Variants in HPDL observed in about 807,000 individuals in gnomAD.
HPDL encodes the protein 4-hydroxyphenylpyruvate dioxygenase like, also known as 4-hydroxyphenylpyruvate dioxygenase-like protein.
In HPDL, 7 loss-of-function variants were observed where a neutral mutation model predicts 9.8. The ratio of observed to expected loss-of-function variants is 0.71; its 90% CI spans 0.41 to 1.34. The LOEUF is 1.34. Ranked by LOEUF, HPDL falls within the 40% of genes most tolerant of loss-of-function variation. HPDL has a pLI of 0.01. For synonymous variants in HPDL, 250 were observed against 228.2 expected (o/e 1.10, Z -0.86); for missense variants, 530 against 495.1 (o/e 1.07, Z -0.67).
rs779100206 is a variant in HPDL, at chr1:45,327,046, C to G, written c.-103C>G. On this transcript the variant is annotated 5_prime_UTR_variant, in exon 1 of 1. Coordinates refer to ENST00000334815, the MANE Select transcript of HPDL (RefSeq NM_032756.4). The surrounding 1 kb of genome is among the most constrained non-coding windows in gnomAD (Gnocchi z 6.3). The stretch of plus-strand genomic sequence containing the variant: ...AACGCGCTCTGCGGGGTGAGCCGGA[C>G]TCCCCAACTCCGGACGATCAGCCCA... 12 of 1,199,360 alleles carry G rather than the reference C, an allele frequency of 1.0e-5. No homozygotes were observed. Among genetic ancestry groups the G allele is most frequent in the Non-Finnish European group, 1.3e-5 (12 of 899,382 alleles). The allele number at this position is 1,199,360 out of a possible 1,614,324, so 74.3% of individuals were successfully genotyped here.
chr1:45,327,670 C>G lies in HPDL; in HGVS notation c.522C>G (p.Pro174=), dbSNP rs779899406. ...LTLACTPGSS[P]TLLRWFHDCL... ...TGGCCTGCACCCCCGGCAGCTCCCC[C>G]ACACTTTTGCGCTGGTTCCACGACT... Residue 174 remains proline (P), a synonymous_variant, in exon 1 of 1, where the codon CCC becomes CCG. Transcript: ENST00000334815. This position sits in a 1 kb window ranked among gnomAD's most constrained non-coding sequence, Gnocchi z 6.3. The G allele has an allele frequency of 9.9e-6, 16 of 1,610,818 alleles. No homozygotes were observed. The highest frequency in any genetic ancestry group is 5.3e-5 in the African/African-American group (4 of 74,886).
rs1644271898 is a variant in HPDL, at chr1:45,328,464, A to T, written c.*200A>T. ...AGGTGGGATTTTTTAAAACTAAAAC[A>T]TTTCTTATATACAGTCTATAATAAA... On this transcript the variant is annotated 3_prime_UTR_variant, in exon 1 of 1. Coordinates refer to ENST00000334815, the MANE Select transcript of HPDL (RefSeq NM_032756.4). 1.7e-6 allele frequency: 1 copy of T among 576,608 alleles called. No individual in the cohort carries two copies. 35.7% of individuals were successfully genotyped at this position (576,608 alleles called of 1,614,324 possible).
At position 45,327,244 on chromosome 1, in the gene HPDL, G is replaced by A. The variant is rs756045717; in HGVS notation, c.96G>A (p.Gln32=). Residue 32 remains glutamine (Q), a synonymous_variant, in exon 1 of 1, where the codon CAG becomes CAA. Coordinates refer to ENST00000334815, the MANE Select transcript of HPDL (RefSeq NM_032756.4). This position sits in a 1 kb window ranked among gnomAD's most constrained non-coding sequence, Gnocchi z 6.3. ...ARNLQRLFGF[Q]PLASREVDGW... is the part of the protein sequence containing the mutation. The stretch of plus-strand genomic sequence containing the variant: ...ACCTGCAGCGCCTCTTCGGCTTCCA[G>A]CCCCTGGCTTCGCGGGAGGTGGACG... 8 of 1,605,330 alleles carry A rather than the reference G, an allele frequency of 5.0e-6. No homozygotes were observed. The South Asian group carries it at 8.8e-5, about 18-fold the overall frequency.
Position 45,327,779 on chromosome 1 carries a change from G to A in HPDL, c.631G>A (p.Gly211Arg). 2 of 1,611,030 alleles carry A rather than the reference G, an allele frequency of 1.2e-6. No homozygotes were observed. The highest frequency in any genetic ancestry group is 1.1e-5 in the South Asian group (1 of 90,704). ...AATGACAGCAGGGTTTGGGCTTGGG[G>A]GACTGAGGCTTACAGCCCTGCAGGC... ...LEMTAGFGLG[G>R]LRLTALQAQP... Residue 211 changes from glycine (G) to arginine (R), a missense_variant, in exon 1 of 1, where the codon GGA (glycine) becomes AGA (arginine). By Grantham distance (125) the Gly-to-Arg change is moderately radical. Transcript: ENST00000334815. The surrounding 1 kb of genome is among the most constrained non-coding windows in gnomAD (Gnocchi z 6.3).
At position 45,328,055 on chromosome 1, in the gene HPDL, G is replaced by C. The variant is rs199575714; in HGVS notation, c.907G>C (p.Glu303Gln). Residue 303 changes from glutamate to glutamine, a missense_variant, in exon 1 of 1, where the codon GAG (glutamate) becomes CAG (glutamine). Transcript: ENST00000334815. ...KERQIRAAGHEPHLLARQGIL... is the reference protein window; with the variant it reads ...KERQIRAAGHQPHLLARQGIL... ...GAGGCAGATCCGAGCTGCAGGGCAC[G>C]AGCCTCATCTGCTTGCTCGACAGGG... 283 of 1,614,128 alleles carry C rather than the reference G, an allele frequency of 1.8e-4. No homozygotes were observed. The highest frequency in any genetic ancestry group is 2.2e-4 in the Non-Finnish European group (260 of 1,180,048).
rs2149082406 is a variant in HPDL at position 45,328,220 on chromosome 1, T to G, written c.1072T>G (p.Trp358Gly). Residue 358 changes from tryptophan (W) to glycine (G), a missense_variant, in exon 1 of 1, where the codon TGG becomes GGG. Transcript: ENST00000334815. ...TGGTCAGGGCAACATCAGAGCTCTG[T>G]GGCAGTCCGTACAGGAGCAATCTGC... ...GFGQGNIRAL[W>G]QSVQEQSARS... The G allele has an allele frequency of 6.2e-7, 1 of 1,614,236 alleles. No homozygotes were observed. Among genetic ancestry groups the G allele is most frequent in the Non-Finnish European group, 8.5e-7 (1 of 1,180,042 alleles).
rs771333297 is a variant in HPDL at position 45,327,428 on chromosome 1, G to T, written c.280G>T (p.Glu94Ter). The change falls in exon 1 of 1, where the codon GAG becomes TAG. Residue 94 changes from glutamate (E) to a stop codon, truncating the protein, a stop_gained. Transcript: ENST00000334815. LOFTEE classifies it low-confidence loss of function (END_TRUNC). The surrounding 1 kb of genome is among the most constrained non-coding windows in gnomAD (Gnocchi z 6.3). Reference protein sequence around the residue: ...DVADAGAATRELAALGCSVPV... With the variant: ...DVADAGAATR ...GGCGGACGCCGGCGCTGCAACCCGG[G>T]AGCTGGCAGCGCTGGGCTGCAGCGT... 1 of 1,586,066 alleles carries T rather than the reference G, an allele frequency of 6.3e-7. No homozygotes were observed. Among genetic ancestry groups the T allele is most frequent in the Non-Finnish European group, 8.5e-7 (1 of 1,172,348 alleles).
chr1:45,327,413 G>A lies in HPDL; in HGVS notation c.265G>A (p.Gly89Ser). The A allele has an allele frequency of 1.3e-6, 2 of 1,584,936 alleles. No homozygotes were observed. The highest frequency in any genetic ancestry group is 1.7e-6 in the Non-Finnish European group (2 of 1,171,234). Residue 89 changes from glycine (G) to serine (S), a missense_variant, in exon 1 of 1, where the codon GGC becomes AGC. Coordinates refer to ENST00000334815, the MANE Select transcript of HPDL (RefSeq NM_032756.4). The surrounding 1 kb of genome is among the most constrained non-coding windows in gnomAD (Gnocchi z 6.3). Reference protein sequence around the residue: ...TNLCFDVADAGAATRELAALG... With the variant: ...TNLCFDVADASAATRELAALG... ...CCTGTGCTTCGACGTGGCGGACGCCGGCGCTGCAACCCGGGAGCTGGCAGC... is the reference window on the plus strand; with the variant it reads ...CCTGTGCTTCGACGTGGCGGACGCCAGCGCTGCAACCCGGGAGCTGGCAGC...
Position 45,327,582 on chromosome 1 carries a change from G to C in HPDL, c.434G>C (p.Gly145Ala). 2 of 1,611,352 alleles carry C rather than the reference G, an allele frequency of 1.2e-6. No individual in the cohort carries two copies. The highest frequency in any genetic ancestry group is 1.3e-5 in the African/African-American group (1 of 75,060). The stretch of plus-strand genomic sequence containing the variant: ...GGCTACCGCGGACCCTTCCTACCCG[G>C]CTTCAGGCCCGTGTCCTCTGCGCCT... ...RAGYRGPFLPGFRPVSSAPGP... is the reference protein window; with the variant it reads ...RAGYRGPFLPAFRPVSSAPGP... The change falls in exon 1 of 1, where the codon GGC becomes GCC. Residue 145 changes from glycine (G) to alanine (A), a missense_variant. Gly to Ala is a moderately conservative substitution (Grantham distance 60, BLOSUM62 0). Transcript: ENST00000334815. The surrounding 1 kb of genome is among the most constrained non-coding windows in gnomAD (Gnocchi z 6.3).
In HPDL at chr1:45,327,295, C is replaced by T. The variant is rs774562729; in HGVS notation, c.147C>T (p.Ser49=). The change falls in exon 1 of 1, where the codon AGC becomes AGT. Residue 49 remains serine (S), a synonymous_variant. Coordinates refer to ENST00000334815, the MANE Select transcript of HPDL (RefSeq NM_032756.4). This position sits in a 1 kb window ranked among gnomAD's most constrained non-coding sequence, Gnocchi z 6.3. ...VDGWRQLALR[S]GDAVFLVNEG... Reference sequence around the variant, plus strand: ...GCTGGCGGCAGCTAGCCCTGCGCAGCGGCGACGCGGTCTTTTTGGTGAACG... The same window carrying T: ...GCTGGCGGCAGCTAGCCCTGCGCAGTGGCGACGCGGTCTTTTTGGTGAACG... 4 of 1,584,420 alleles carry T rather than the reference C, an allele frequency of 2.5e-6. No individual in the cohort carries two copies. The highest frequency in any genetic ancestry group is 2.6e-6 in the Non-Finnish European group (3 of 1,167,340).
Position 45,328,247 on chromosome 1 carries a change from A to G in HPDL, c.1099A>G (p.Arg367Gly). 1 of 1,613,974 alleles carries G rather than the reference A, an allele frequency of 6.2e-7. No homozygotes were observed. The highest frequency in any genetic ancestry group is 2.2e-5 in the East Asian group (1 of 44,878). ...LWQSVQEQSARSQEA is the reference protein window; with the variant it reads ...LWQSVQEQSAGSQEA Reference sequence around the variant, plus strand: ...GCAGTCCGTACAGGAGCAATCTGCCAGGAGCCAGGAAGCCTAAGGATGCCC... The same window carrying G: ...GCAGTCCGTACAGGAGCAATCTGCCGGGAGCCAGGAAGCCTAAGGATGCCC... Residue 367 changes from arginine (R) to glycine (G), a missense_variant, in exon 1 of 1, where the codon AGG (arginine) becomes GGG (glycine). Coordinates refer to ENST00000334815, the MANE Select transcript of HPDL (RefSeq NM_032756.4).
chr1:45,328,137 T>A lies in HPDL; in HGVS notation c.989T>A (p.Leu330His). ...KFLLQVFTKS[L>H]FTEDTFFLEL... is the part of the protein sequence containing the mutation. ...CTGCTTCAGGTCTTCACCAAGTCCCTTTTTACTGAGGACACTTTCTTCCTG... is the reference window on the plus strand; with the variant it reads ...CTGCTTCAGGTCTTCACCAAGTCCCATTTTACTGAGGACACTTTCTTCCTG... Residue 330 changes from leucine to histidine, a missense_variant, in exon 1 of 1, where the codon CTT (leucine) becomes CAT (histidine). Transcript: ENST00000334815. The A allele has an allele frequency of 1.2e-6, 2 of 1,614,246 alleles. No individual in the cohort carries two copies. Among genetic ancestry groups the A allele is most frequent in the Non-Finnish European group, 1.7e-6 (2 of 1,180,048 alleles).
Position 45,328,499 on chromosome 1 carries a change from T to C in HPDL, c.*235T>C, listed in dbSNP as rs572431425. The C allele has an allele frequency of 2.9e-4, 134 of 469,472 alleles. 4 individuals carry two copies. In the South Asian group the frequency reaches 5.4e-3, roughly 19 times the overall value. 29.1% of individuals were successfully genotyped at this position (469,472 alleles called of 1,614,324 possible). On this transcript the variant is annotated 3_prime_UTR_variant, in exon 1 of 1. Transcript: ENST00000334815. Reference sequence around the variant, plus strand: ...TACAGTCTATAATAAATATGTAAGATACAAAGAACAATAAAAGAATTACAC... The same window carrying C: ...TACAGTCTATAATAAATATGTAAGACACAAAGAACAATAAAAGAATTACAC...
Position 45,327,105 on chromosome 1 carries a change from A to C in HPDL, c.-44A>C, listed in dbSNP as rs766654098. 1.3e-6 allele frequency: 2 copies of C among 1,508,160 alleles called. No homozygotes were observed. Among genetic ancestry groups the C allele is most frequent in the South Asian group, 2.6e-5 (2 of 76,708 alleles). The allele number at this position is 1,508,160 out of a possible 1,614,324, so 93.4% of individuals were successfully genotyped here. ...AGCCCCGAAGTCCCCAACCACAAGTAAGCGGCCCCAGAAGGACAAGTCTAG... is the reference window on the plus strand; with the variant it reads ...AGCCCCGAAGTCCCCAACCACAAGTCAGCGGCCCCAGAAGGACAAGTCTAG... On this transcript the variant is annotated 5_prime_UTR_variant, in exon 1 of 1. Transcript: ENST00000334815. The surrounding 1 kb of genome is among the most constrained non-coding windows in gnomAD (Gnocchi z 6.3).
chr1:45,327,700 G>A lies in HPDL; in HGVS notation c.552G>A (p.Leu184=). The change falls in exon 1 of 1, where the codon CTG becomes CTA. Residue 184 remains leucine (L), a synonymous_variant. Coordinates refer to ENST00000334815, the MANE Select transcript of HPDL (RefSeq NM_032756.4). The surrounding 1 kb of genome is among the most constrained non-coding windows in gnomAD (Gnocchi z 6.3). ...TTTTGCGCTGGTTCCACGACTGCCT[G>A]GGCTTTTGCCACTTGCCGCTGAGCC... ...PTLLRWFHDC[L]GFCHLPLSPG... is the part of the protein sequence containing the mutation. 6.2e-7 allele frequency: 1 copy of A among 1,610,784 alleles called. No homozygotes were observed. The highest frequency in any genetic ancestry group is 8.5e-7 in the Non-Finnish European group (1 of 1,177,914).
rs1460616061 is a variant in HPDL, at chr1:45,327,867, G to A, written c.719G>A (p.Arg240Gln). 7 of 1,549,034 alleles carry A rather than the reference G, an allele frequency of 4.5e-6. No homozygotes were observed. The highest frequency in any genetic ancestry group is 1.9e-5 in the Admixed American group (1 of 51,350). Reference protein sequence around the residue: ...LAESLPGATTRQDQVEQFLAR... With the variant: ...LAESLPGATTQQDQVEQFLAR... ...GAGTCCCTTCCGGGGGCGACGACACGACAGGACCAGGTGGAGCAGTTCCTG... is the reference window on the plus strand; with the variant it reads ...GAGTCCCTTCCGGGGGCGACGACACAACAGGACCAGGTGGAGCAGTTCCTG... The change falls in exon 1 of 1, where the codon CGA becomes CAA. Residue 240 changes from arginine to glutamine, a missense_variant. Physicochemically the swap from Arg to Gln is conservative, Grantham distance 43. Coordinates refer to ENST00000334815, the MANE Select transcript of HPDL (RefSeq NM_032756.4). The surrounding 1 kb of genome is among the most constrained non-coding windows in gnomAD (Gnocchi z 6.3).
In HPDL at chr1:45,326,974, G is replaced by A. The variant is rs1044764528; in HGVS notation, c.-175G>A. 3 of 592,670 alleles carry A rather than the reference G, an allele frequency of 5.1e-6. No homozygotes were observed. The highest frequency in any genetic ancestry group is 7.7e-5 in the South Asian group (2 of 26,112). The allele number at this position is 592,670 out of a possible 1,614,324, so 36.7% of individuals were successfully genotyped here. A position where few individuals can be genotyped will look rare whatever the true frequency, so the allele number is the denominator to read the frequency against. On this transcript the variant is annotated 5_prime_UTR_variant, in exon 1 of 1. Coordinates refer to ENST00000334815, the MANE Select transcript of HPDL (RefSeq NM_032756.4). ...GGGGTGGCGCTGCAGGGAGAACCGCGAGCTCTCAGGGGTCGGCGGGTGACT... is the reference window on the plus strand; with the variant it reads ...GGGGTGGCGCTGCAGGGAGAACCGCAAGCTCTCAGGGGTCGGCGGGTGACT...
Position 45,327,521 on chromosome 1 carries a change from G to T in HPDL, c.373G>T (p.Ala125Ser). 6.2e-7 allele frequency: 1 copy of T among 1,603,978 alleles called. No individual in the cohort carries two copies. The highest frequency in any genetic ancestry group is 8.5e-7 in the Non-Finnish European group (1 of 1,179,152). ...CACTTACGCCGTGGTCAGCTCGCCT[G>T]CCGGCATCCTCAGCCTGACCTTGCT... ...AATYAVVSSP[A>S]GILSLTLLER... Residue 125 changes from alanine to serine, a missense_variant, in exon 1 of 1, where the codon GCC becomes TCC. By Grantham distance (99) the Ala-to-Ser change is moderately conservative. Coordinates refer to ENST00000334815, the MANE Select transcript of HPDL (RefSeq NM_032756.4). The surrounding 1 kb of genome is among the most constrained non-coding windows in gnomAD (Gnocchi z 6.3).
rs1435374770 is a variant in HPDL at position 45,328,036 on chromosome 1, G to A, written c.888G>A (p.Gln296=). Residue 296 remains glutamine (Q), a synonymous_variant, in exon 1 of 1, where the codon CAG becomes CAA. Transcript: ENST00000334815. The part of the protein sequence containing the change: ...AYYQQPGKER[Q]IRAAGHEPHL... ...ACCAGCAGCCAGGAAAGGAGAGGCAGATCCGAGCTGCAGGGCACGAGCCTC... is the reference window on the plus strand; with the variant it reads ...ACCAGCAGCCAGGAAAGGAGAGGCAAATCCGAGCTGCAGGGCACGAGCCTC... The A allele has an allele frequency of 3.1e-6, 5 of 1,614,196 alleles. No homozygotes were observed. The highest frequency in any genetic ancestry group is 3.4e-6 in the Non-Finnish European group (4 of 1,179,990).
Sources: gnomAD v4.1 joint callset for allele counts on GRCh38, gnomAD v4.1.1 for gene constraint, Gnocchi (gnomAD v3.1) non-coding constraint, MANE v1.5 for transcripts, NCBI Gene and HGNC (gene_info 2026-07-23, HGNC 2026-07-21) for gene names.